Variants in PCLO observed in about 807,000 individuals in gnomAD.
PCLO encodes piccolo presynaptic cytomatrix protein.
In PCLO, 82 loss-of-function variants were observed where a neutral mutation model predicts 427.5. That is an observed-to-expected ratio of 0.19 (90% confidence interval 0.16 to 0.23). The LOEUF is 0.23. PCLO is among the 10% of genes least tolerant of loss of function. The pLI is 1.00. For missense variants in PCLO, 6,239 were observed against 6,115.9 expected (o/e 1.02, Z -0.67); for synonymous variants, 2,357 against 2,155.4 (o/e 1.09, Z -2.59).
chr7:83,020,520 C>T (rs1788316897), intron 3 of PCLO, among the ~76,000 whole-genome samples: 1 of 152,088 alleles, frequency 6.6e-6, no homozygotes, highest in African/African-American at 2.4e-5. Context: ...CCACTTTCTG[C>T]CATGTGAGGG....
At chr7:82,795,032 C>A (rs1287012423) in intron 22 of PCLO, among the ~76,000 whole-genome samples, 1 of 152,056 alleles carries the variant, frequency 6.6e-6, no homozygotes, top group African/African-American at 2.4e-5. Context: ...CCCTCATATT[C>A]CACTAAGCCT....
chr7:83,002,113 T>G (rs563312755), intron 3 of PCLO, among the ~76,000 whole-genome samples: 1 of 152,084 alleles, frequency 6.6e-6, no homozygotes, highest in East Asian at 1.9e-4. Context: ...TTCAGCTATT[T>G]TATCTTCAAA....
intron 3 of PCLO, among the ~76,000 whole-genome samples, chr7:82,990,247 A>G (rs914550520): frequency 6.6e-6 from 1 of 152,172 alleles, no homozygotes; most frequent in Non-Finnish European, 1.5e-5. Flanking sequence ...ACATCAAAGC[A>G]ACAGAAACAT....
At position 82,952,761 on chromosome 7, in the gene PCLO, C is replaced by G. The variant is rs200140697; in HGVS notation, c.8192G>C (p.Arg2731Pro). Residue 2731 changes from arginine to proline, a missense_variant, in exon 5 of 25, where the codon CGT becomes CCT. Transcript: ENST00000333891. ...LQLVGDVIDL[R>P]TVPKVEVKTT... The stretch of plus-strand genomic sequence containing the variant: ...TTTAACTTCTACCTTTGGTACTGTA[C>G]GCAAATCAATTACATCACCAACAAG... 40 of 1,613,186 alleles carry G rather than the reference C, an allele frequency of 2.5e-5. No homozygotes were observed. The highest frequency in any genetic ancestry group is 3.1e-5 in the Non-Finnish European group (37 of 1,179,476).
chr7:82,803,462 C>G (rs7799923), intron 21 of PCLO, among the ~76,000 whole-genome samples: 56,445 of 151,944 alleles, frequency 0.37, 12,932 homozygotes, highest in East Asian at 0.7. Flanking sequence ...AATGGTGATA[C>G]CCAGCCAGTC....
intron 3 of PCLO, among the ~76,000 whole-genome samples, chr7:83,100,738 G>A (rs1476068307): frequency 2.0e-5 from 3 of 152,000 alleles, no homozygotes; most frequent in Non-Finnish European, 4.4e-5. Flanking sequence ...GAAATAATCT[G>A]TATAATAAAC....
chr7:82,822,049 T>C (rs1475943724), intron 20 of PCLO: 1 of 994,434 alleles, frequency 1.0e-6, no homozygotes, highest in African/African-American at 1.7e-5. Context: ...TGTTTTCAGA[T>C]ACAAGAATCT....
At chr7:83,011,307 C>A (rs1788071246) in intron 3 of PCLO, among the ~76,000 whole-genome samples, 1 of 151,456 alleles carries the variant, frequency 6.6e-6, no homozygotes, top group Admixed American at 6.6e-5. Context: ...ATATTTTTTT[C>A]AAAAAAACTA....
At chr7:82,813,875 A>C (rs977501144) in intron 20 of PCLO, among the ~76,000 whole-genome samples, 6 of 151,864 alleles carry the variant, frequency 4.0e-5, no homozygotes, top group Admixed American at 1.3e-4. Flanking sequence ...TTTCGTAAGA[A>C]GCTTTCCATT....
At chr7:83,088,695 T>C (rs1260485323) in intron 3 of PCLO, among the ~76,000 whole-genome samples, 3 of 152,138 alleles carry the variant, frequency 2.0e-5, no homozygotes, top group African/African-American at 7.2e-5. Context: ...CAGTCTTTCA[T>C]TGGCCAGCAT....
chr7:82,842,372 C>G (rs191928430), intron 13 of PCLO, among the ~76,000 whole-genome samples: 3 of 151,922 alleles, frequency 2.0e-5, no homozygotes, highest in Non-Finnish European at 4.4e-5. Context: ...TTATCTCACA[C>G]CATATACAAA....
chr7:82,777,755 C>T (rs1175807679), intron 22 of PCLO, among the ~76,000 whole-genome samples: 1 of 152,006 alleles, frequency 6.6e-6, no homozygotes, highest in African/African-American at 2.4e-5. Flanking sequence ...GCAGAAATCA[C>T]CTCAAGATGG....
At chr7:82,779,542 A>G (rs1583965417) in intron 22 of PCLO, among the ~76,000 whole-genome samples, 1 of 151,802 alleles carries the variant, frequency 6.6e-6, no homozygotes, top group East Asian at 1.9e-4. Context: ...TACTTTTTCT[A>G]CTCTTTTCCT....
intron 3 of PCLO, among the ~76,000 whole-genome samples, chr7:83,072,473 G>A (rs766495956): frequency 1.1e-4 from 16 of 151,574 alleles, no homozygotes; most frequent in African/African-American, 2.4e-4. Flanking sequence ...TACCACACTC[G>A]TCACCAAAAG....
Position 83,162,379 on chromosome 7 carries a change from G to T in PCLO, c.214C>A (p.Pro72Thr). ...RAQGLPKGSV[P>T]PAAAESPSMH... is the part of the protein sequence containing the mutation. ...GAAGGCGACTCCGCAGCGGCCGGGG[G>T]GACGCTTCCCTTGGGCAGCCCCTGC... Residue 72 changes from proline to threonine, a missense_variant, in exon 1 of 25, where the codon CCC becomes ACC. Pro to Thr is a conservative substitution (Grantham distance 38). Around this residue, in one of 5 missense-constraint regions of PCLO, gnomAD observed 4,677 missense variants for 4,468.4 expected, o/e 1.05. Transcript: ENST00000333891. 5.0e-6 allele frequency: 8 copies of T among 1,600,548 alleles called. No individual in the cohort carries two copies. Among genetic ancestry groups the T allele is most frequent in the Non-Finnish European group, 6.8e-6 (8 of 1,173,502 alleles).
chr7:82,895,506 T>C (rs564650203), intron 9 of PCLO, among the ~76,000 whole-genome samples: 3 of 151,484 alleles, frequency 2.0e-5, no homozygotes, highest in African/African-American at 7.2e-5. Flanking sequence ...AAACAAAAAA[T>C]AATGGAGAAA....
At chr7:82,761,261 G>T (rs1302133189) in intron 23 of PCLO, 98 bp downstream of exon 23, 12 of 635,348 alleles carry the variant, frequency 1.9e-5, no homozygotes, top group Non-Finnish European at 2.9e-5. Context: ...TGACATATTT[G>T]GTGTACAGTT....
intron 3 of PCLO, among the ~76,000 whole-genome samples, chr7:83,062,094 T>C (rs1789556696): frequency 6.6e-6 from 1 of 152,156 alleles, no homozygotes; most frequent in Non-Finnish European, 1.5e-5. Flanking sequence ...GAAGTATGTT[T>C]GGATATGTTA....
intron 2 of PCLO, among the ~76,000 whole-genome samples, chr7:83,140,052 C>T (rs911978791): frequency 6.6e-6 from 1 of 152,208 alleles, no homozygotes; most frequent in Non-Finnish European, 1.5e-5. Context: ...CCAGCCCCAG[C>T]ATTAACGTCA....
Sources: gnomAD v4.1 joint callset for allele counts (sites outside exome capture counted in the v4.1 genomes callset) on GRCh38, gnomAD v4.1.1 for gene constraint, gnomAD v4.1.1 regional missense constraint, MANE v1.5 for transcripts, NCBI Gene and HGNC (gene_info 2026-07-23, HGNC 2026-07-21) for gene names.